Variants in MAOB observed in about 807,000 individuals in gnomAD.
MAOB encodes monoamine oxidase B.
In MAOB, 15 loss-of-function variants were observed where a neutral mutation model predicts 41.9. The ratio of observed to expected loss-of-function variants is 0.36; its 90% confidence interval spans 0.24 to 0.55. The LOEUF is 0.55. MAOB is among the 20% of genes least tolerant of loss of function. The pLI is 0.86. For synonymous variants in MAOB, 167 were observed against 144.2 expected, an observed-to-expected ratio of 1.16 and a Z score of -1.13; for missense variants, 345 against 398.7, an observed-to-expected ratio of 0.87 and a Z score of 1.15.
At chrX:43,782,004 T>C (rs1352620452) in intron 8 of MAOB, among the ~76,000 whole-genome samples, 1 of 111,890 alleles carries the variant, frequency 8.9e-6, no homozygotes, top group Non-Finnish European at 1.9e-5. Flanking sequence ...TAGAGGGAAA[T>C]TTATAGCACT....
chrX:43,874,228 C>A (rs2035426557), intron 1 of MAOB, among the ~76,000 whole-genome samples: 1 of 112,023 alleles, frequency 8.9e-6, no homozygotes, highest in Non-Finnish European at 1.9e-5. Context: ...GGAGTGCCTA[C>A]AACTTCATTA....
chrX:43,817,648 C>T, intron 3 of MAOB, among the ~76,000 whole-genome samples: 1 of 111,713 alleles, frequency 9.0e-6, no homozygotes, highest in East Asian at 2.8e-4. Context: ...GGCAACACGG[C>T]TTTTGTACTT....
In MAOB at chrX:43,783,501, G is replaced by T. The variant is rs143341285; in HGVS notation, c.929-1957C>A. The stretch of plus-strand genomic sequence containing the variant: ...GCAAATTGTGTCACGTAAATTGCTT[G>T]GTTTCCCAGTGCATATAAAAGTTAT... On this transcript the variant is annotated intron_variant, in intron 8 of 14. Transcript: ENST00000378069. Among the ~76,000 whole-genome samples, 775 of 111,366 alleles carry T rather than the reference G, an allele frequency of 7.0e-3. 6 individuals are homozygous for T. Among genetic ancestry groups the T allele is most frequent in the African/African-American group, 0.024 (729 of 30,630 alleles).
intron 3 of MAOB, among the ~76,000 whole-genome samples, chrX:43,808,240 G>A (rs1469820723): frequency 8.9e-6 from 1 of 112,100 alleles, no homozygotes; most frequent in African/African-American, 3.2e-5. Flanking sequence ...CACCATAAGT[G>A]GGAAGAACAG....
chrX:43,767,412 A>G lies in MAOB; in HGVS notation c.*54T>C. 1.8e-6 allele frequency: 2 copies of G among 1,122,812 alleles called. No individual in the cohort carries two copies. Among genetic ancestry groups the G allele is most frequent in the Non-Finnish European group, 2.4e-6 (2 of 832,631 alleles). 92.5% of individuals were successfully genotyped at this position (1,122,812 alleles called of 1,213,427 possible). ...AACTTTACTGCAACTCTTTCCCCAA[A>G]CTCATATCCCAAATACAGTAAGAAG... On this transcript the variant is annotated 3_prime_UTR_variant, in exon 15 of 15. Transcript: ENST00000378069.
chrX:43,863,987 T>C (rs987103652), intron 1 of MAOB, among the ~76,000 whole-genome samples: 1 of 111,742 alleles, frequency 8.9e-6, no homozygotes, highest in African/African-American at 3.3e-5. Context: ...TACATCTCTA[T>C]TAGATTACAG....
At chrX:43,767,738 C>T (rs1052668407) in intron 14 of MAOB, 120 bp from the exon 15 acceptor site, 17 of 586,722 alleles carry the variant, frequency 2.9e-5, no homozygotes, top group Admixed American at 7.4e-5. Flanking sequence ...CCAGTAAACA[C>T]GATGTTCCCT....
At chrX:43,880,175 T>C (rs2035464481) in intron 1 of MAOB, among the ~76,000 whole-genome samples, 1 of 112,459 alleles carries the variant, frequency 8.9e-6, no homozygotes, top group African/African-American at 3.2e-5. Flanking sequence ...CTTTTATTTC[T>C]TTTGGGACAA....
At chrX:43,790,627 C>T (rs909148308) in intron 8 of MAOB, among the ~76,000 whole-genome samples, 1 of 110,287 alleles carries the variant, frequency 9.1e-6, no homozygotes, top group Non-Finnish European at 1.9e-5. Context: ...ACTCTGTTGC[C>T]CAGGCTGAAG....
intron 3 of MAOB, among the ~76,000 whole-genome samples, chrX:43,825,830 G>A (rs757555979): frequency 8.9e-6 from 1 of 111,888 alleles, no homozygotes; most frequent in South Asian, 3.7e-4. Context: ...TTAGAATTGA[G>A]AGTGTTAAAT....
chrX:43,823,532 GTTGTTCAAGGCTC>G (rs1435168619), intron 3 of MAOB, among the ~76,000 whole-genome samples: 1 of 111,221 alleles, frequency 9.0e-6, no homozygotes, highest in African/African-American at 3.3e-5. Context: ...AGTCACATAT[GTTGTTCAAGGCTC>G]TGAGGAACTT....
chrX:43,829,053 T>C (rs371790117), intron 3 of MAOB, among the ~76,000 whole-genome samples: 2 of 111,917 alleles, frequency 1.8e-5, no homozygotes, highest in African/African-American at 6.5e-5. Context: ...CTATGAATTG[T>C]GATTTTTCTC....
chrX:43,783,927 C>T (rs1223366295), intron 8 of MAOB, among the ~76,000 whole-genome samples: 1 of 112,152 alleles, frequency 8.9e-6, no homozygotes, highest in Non-Finnish European at 1.9e-5. Flanking sequence ...TATTCTAAAT[C>T]CCTTCTTGTC....
At chrX:43,852,515 A>T (rs980445724) in intron 1 of MAOB, among the ~76,000 whole-genome samples, 1 of 111,942 alleles carries the variant, frequency 8.9e-6, no homozygotes, top group Admixed American at 9.5e-5. Context: ...AAGCAAATAT[A>T]GCAAAAACAT....
chrX:43,823,986 C>T (rs1273889399), intron 3 of MAOB, among the ~76,000 whole-genome samples: 1 of 112,506 alleles, frequency 8.9e-6, no homozygotes, highest in Non-Finnish European at 1.9e-5. Flanking sequence ...CTAACTCATG[C>T]TGACCTAAAG....
rs1230017182 is a variant in MAOB at position 43,838,918 on chromosome X, A to G, written c.229T>C (p.Leu77=). The G allele has an allele frequency of 8.3e-7, 1 of 1,204,493 alleles. No individual in the cohort carries two copies. Among genetic ancestry groups the G allele is most frequent in the Non-Finnish European group, 1.1e-6 (1 of 892,106 alleles). ...ACCTCATTCACTTTGTAGGTCTCCA[A>G]TCCTAGCTCCTTGGCTAATCTCAAG... ...RILRLAKELG[L]ETYKVNEVER... The change falls in exon 3 of 15, where the codon TTG becomes CTG. Residue 77 remains leucine, a synonymous_variant. Transcript: ENST00000378069.
intron 12 of MAOB, among the ~76,000 whole-genome samples, chrX:43,770,235 C>T (rs919228955): frequency 9.0e-6 from 1 of 111,347 alleles, no homozygotes; most frequent in Non-Finnish European, 1.9e-5. Flanking sequence ...ACCTGATTCC[C>T]AAGCTCCAAC....
intron 1 of MAOB, among the ~76,000 whole-genome samples, chrX:43,871,656 G>A (rs761785564): frequency 2.9e-4 from 31 of 106,421 alleles, no homozygotes; most frequent in Admixed American, 9.2e-4. Flanking sequence ...TTGGTAAATA[G>A]GGCACTCGAT....
intron 3 of MAOB, among the ~76,000 whole-genome samples, chrX:43,804,767 A>C (rs892291768): frequency 7.2e-5 from 8 of 111,861 alleles, no homozygotes; most frequent in Non-Finnish European, 1.1e-4. Flanking sequence ...TAAGGACTTC[A>C]ACTGATTGGA....
Sources: allele counts gnomAD v4.1 joint callset (sites outside exome capture counted in the v4.1 genomes callset), GRCh38; gene constraint gnomAD v4.1.1; transcripts MANE v1.5; gene names NCBI Gene and HGNC (gene_info 2026-07-23, HGNC 2026-07-21).